Variants in DNMT3B observed in about 807,000 individuals in gnomAD.
DNMT3B encodes the protein DNA methyltransferase 3 beta, also known as DNA (cytosine-5)-methyltransferase 3B.
A neutral mutation model predicts 120.2 loss-of-function variants in DNMT3B; 37 were observed. The ratio of observed to expected loss-of-function variants is 0.31; its 90% confidence interval spans 0.24 to 0.40. The LOEUF is 0.40. Ranked by LOEUF, DNMT3B falls within the 10% of genes least tolerant of loss-of-function variation. The probability of loss-of-function intolerance (pLI) is 1.00; values close to 1 mark genes in which losing one functional copy is unlikely to be tolerated. For missense variants in DNMT3B, 878 were observed against 1,137.3 expected (o/e 0.77, Z 3.28); for synonymous variants, 412 against 442.8 (o/e 0.93, Z 0.87).
At chr20:32,774,691 C>T in intron 1 of DNMT3B, among the ~76,000 whole-genome samples, 1 of 151,286 alleles carries the variant, frequency 6.6e-6, no homozygotes, top group East Asian at 1.9e-4. Flanking sequence ...TTGGGGTCTC[C>T]CATGTCTTGT....
chr20:32,807,794 T>C lies in DNMT3B; in HGVS notation c.2453T>C (p.Val818Ala). Residue 818 changes from valine to alanine, a missense_variant, in exon 23 of 23, where the codon GTG (valine) becomes GCG (alanine). Coordinates refer to ENST00000328111, the MANE Select transcript of DNMT3B (RefSeq NM_006892.4). ...GGCTTTCCTGTGCACTACACAGACG[T>C]GTCCAACATGGGCCGTGGTGCCCGC... ...IFGFPVHYTD[V>A]SNMGRGARQK... is the part of the protein sequence containing the mutation. 2 of 1,614,194 alleles carry C rather than the reference T, an allele frequency of 1.2e-6. No individual in the cohort carries two copies. The highest frequency in any genetic ancestry group is 1.7e-6 in the Non-Finnish European group (2 of 1,180,032).
At chr20:32,775,742 C>T (rs1216399462) in intron 1 of DNMT3B, among the ~76,000 whole-genome samples, 1 of 152,268 alleles carries the variant, frequency 6.6e-6, no homozygotes, top group East Asian at 1.9e-4. Context: ...CCCTTCATCC[C>T]TGGGATGGGT....
chr20:32,780,534 G>T (rs1978486360), intron 2 of DNMT3B, 69 bp downstream of exon 2: 7 of 1,582,924 alleles, frequency 4.4e-6, no homozygotes, highest in Non-Finnish European at 5.1e-6. Context: ...CAGACAACTG[G>T]AGGCTTTGGG....
chr20:32,773,934 G>GTTTTTT lies in DNMT3B; in HGVS notation c.-6-6363_-6-6358dup, dbSNP rs1161730284. 9.1e-3 allele frequency among the ~76,000 whole-genome samples: 628 copies of GTTTTTT among 69,150 alleles called. 110 individuals carry two copies. Among genetic ancestry groups the GTTTTTT allele is most frequent in the South Asian group, 0.015 (19 of 1,306 alleles). The allele number at this position is 69,150 out of a possible 152,430, so 45.4% of individuals were successfully genotyped here. A position where few individuals can be genotyped will look rare whatever the true frequency, so the allele number is the denominator to read the frequency against. On this transcript the variant is annotated intron_variant, in intron 1 of 22. Transcript: ENST00000328111. ...GCATGAGCCACTGCGCCCGGCAGTG[G>GTTTTTT]TTTTTTTTTTTTTTTTTTTTTTTTT...
intron 1 of DNMT3B, among the ~76,000 whole-genome samples, chr20:32,770,861 C>G (rs1987687226): frequency 6.6e-6 from 1 of 152,160 alleles, no homozygotes; most frequent in African/African-American, 2.4e-5. Flanking sequence ...ATCTGCCTGC[C>G]TCAGCCTCCC....
At chr20:32,770,259 C>T (rs1383025017) in intron 1 of DNMT3B, among the ~76,000 whole-genome samples, 2 of 151,774 alleles carry the variant, frequency 1.3e-5, no homozygotes, top group Non-Finnish European at 2.9e-5. Flanking sequence ...ATTACAGGTG[C>T]CCGCCACCTC....
chr20:32,798,183 G>A (rs951387459), intron 14 of DNMT3B, among the ~76,000 whole-genome samples: 3 of 152,146 alleles, frequency 2.0e-5, no homozygotes, highest in Non-Finnish European at 2.9e-5. Flanking sequence ...TCCCTGGTTT[G>A]CCAGTTGGCC....
rs1981308945 is a variant in DNMT3B, at chr20:32,801,292, CTCT to C, written c.2017_2019del (p.Phe673del). ...TCTGAGCACAGAGGGTACAGGCCGG[CTCT>C]TCTTCGAATTTTACCACCTGCTGAA... On this transcript the variant is annotated inframe_deletion, in exon 19 of 23. Transcript: ENST00000328111. 3 of 1,614,138 alleles carry C rather than the reference CTCT, an allele frequency of 1.9e-6. No homozygotes were observed. The highest frequency in any genetic ancestry group is 1.7e-6 in the Non-Finnish European group (2 of 1,180,044).
At chr20:32,768,192 A>ATT (rs34062797) in intron 1 of DNMT3B, among the ~76,000 whole-genome samples, 18 of 128,698 alleles carry the variant, frequency 1.4e-4, no homozygotes, top group African/African-American at 3.0e-4. Context: ...GCTAATTTTA[A>ATT]TTTTTTTTTT....
rs773892206 is a variant in DNMT3B, at chr20:32,780,291, C to G, written c.-6-27C>G. On this transcript the variant is annotated intron_variant, in intron 1 of 22. Coordinates refer to ENST00000328111, the MANE Select transcript of DNMT3B (RefSeq NM_006892.4). ...CTCTCATGTCCCTGCTTCCCTTTCA[C>G]CCCACCCATTCTGGCTTCTCCCACA... 4 of 1,613,702 alleles carry G rather than the reference C, an allele frequency of 2.5e-6. No homozygotes were observed. In the Admixed American group the frequency reaches 5.0e-5, roughly 20 times the overall value.
At position 32,808,771 on chromosome 20, in the gene DNMT3B, C is replaced by G; in HGVS notation, c.*868C>G. ...TAGGAGAGGAGTGTGAAGCAAGGAGCTTAGATAAGACACCCCCTCAAACCC... is the reference window on the plus strand; with the variant it reads ...TAGGAGAGGAGTGTGAAGCAAGGAGGTTAGATAAGACACCCCCTCAAACCC... On this transcript the variant is annotated 3_prime_UTR_variant, in exon 23 of 23. Transcript: ENST00000328111. The G allele has an allele frequency of 4.4e-6, 1 of 229,012 alleles. No individual in the cohort carries two copies. The highest frequency in any genetic ancestry group is 8.7e-6 in the Non-Finnish European group (1 of 115,400). The allele number at this position is 229,012 out of a possible 1,614,324, so 14.2% of individuals were successfully genotyped here. A position where few individuals can be genotyped will look rare whatever the true frequency, so the allele number is the denominator to read the frequency against.
intron 7 of DNMT3B, among the ~76,000 whole-genome samples, chr20:32,789,357 C>T (rs979923370): frequency 3.9e-5 from 6 of 152,132 alleles, no homozygotes; most frequent in South Asian, 2.1e-4. Context: ...TGGAAGAGAC[C>T]GGAAGCATGG....
At chr20:32,804,913 G>A (rs907252830) in intron 20 of DNMT3B, among the ~76,000 whole-genome samples, 6 of 152,188 alleles carry the variant, frequency 3.9e-5, no homozygotes, top group South Asian at 2.1e-4. Context: ...CCACCAAACC[G>A]TGGGTGTGAT....
At chr20:32,780,820 T>C (rs1446944758) in intron 2 of DNMT3B, among the ~76,000 whole-genome samples, 4 of 151,422 alleles carry the variant, frequency 2.6e-5, no homozygotes, top group Non-Finnish European at 2.9e-5. Flanking sequence ...GAGGGGGAGG[T>C]CTGGAGTGTG....
rs1981968159 is a variant in DNMT3B at position 32,806,232 on chromosome 20, C to A, written c.2325C>A (p.Thr775=). 1 of 1,614,186 alleles carries A rather than the reference C, an allele frequency of 6.2e-7. No individual in the cohort carries two copies. The highest frequency in any genetic ancestry group is 8.5e-7 in the Non-Finnish European group (1 of 1,180,042). Residue 775 remains threonine, a synonymous_variant, in exon 22 of 23, where the codon ACC becomes ACA. Transcript: ENST00000328111. ...IAKLKKVQTI[T]TKSNSIKQGK... ...AGTTAAAGAAAGTACAGACAATAAC[C>A]ACCAAGTCGAACTCGATCAAACAGG...
At chr20:32,769,770 C>T (rs1455102880) in intron 1 of DNMT3B, among the ~76,000 whole-genome samples, 1 of 152,004 alleles carries the variant, frequency 6.6e-6, no homozygotes, top group Non-Finnish European at 1.5e-5. Flanking sequence ...ATTTTTGAGA[C>T]AGCATCTCAC....
intron 5 of DNMT3B, 78 bp downstream of exon 5, chr20:32,786,705 GTGGCTGGTA>G (rs1979336098): frequency 5.6e-6 from 9 of 1,602,662 alleles, no homozygotes; most frequent in Middle Eastern, 3.3e-4. Context: ...ACTACTGGTT[GTGGCTGGTA>G]GATAATCTGT....
At chr20:32,776,696 G>C (rs911569046) in intron 1 of DNMT3B, among the ~76,000 whole-genome samples, 1 of 152,174 alleles carries the variant, frequency 6.6e-6, no homozygotes, top group Admixed American at 6.5e-5. Context: ...AGCCAAAACA[G>C]TGCCTGACAC....
At chr20:32,784,416 C>G (rs1447725356) in intron 3 of DNMT3B, among the ~76,000 whole-genome samples, 1 of 152,224 alleles carries the variant, frequency 6.6e-6, no homozygotes, top group East Asian at 1.9e-4. Flanking sequence ...GAAATGGACT[C>G]AAAGCCACAC....
Sources: allele counts gnomAD v4.1 joint callset (sites outside exome capture counted in the v4.1 genomes callset), GRCh38; gene constraint gnomAD v4.1.1; transcripts MANE v1.5; gene names NCBI Gene and HGNC (gene_info 2026-07-23, HGNC 2026-07-21).